ASIC2: variants seen among roughly 807,000 people sequenced by gnomAD.
ASIC2 encodes acid sensing ion channel subunit 2.
In ASIC2, 25 loss-of-function variants were observed where a neutral mutation model predicts 57.3. The observed-to-expected ratio is 0.44, with a 90% CI of 0.32 to 0.61. The LOEUF is 0.61. Ranked by LOEUF, ASIC2 falls within the 20% of genes least tolerant of loss-of-function variation. The probability of loss-of-function intolerance (pLI) is 0.06; values close to 1 mark genes in which losing one functional copy is unlikely to be tolerated. For synonymous variants in ASIC2, 319 were observed against 307.5 expected (o/e 1.04, Z -0.39); for missense variants, 641 against 738.1 (o/e 0.87, Z 1.52).
At chr17:34,151,709 T>A (rs1904532048) in intron 1 of ASIC2, among the ~76,000 whole-genome samples, 1 of 152,080 alleles carries the variant, frequency 6.6e-6, no homozygotes. Context: ...GTTGGTGAAG[T>A]TATAGTATGG....
intron 1 of ASIC2, among the ~76,000 whole-genome samples, chr17:33,402,752 G>A (rs547824829): frequency 1.7e-4 from 26 of 152,248 alleles, no homozygotes; most frequent in Admixed American, 3.9e-4. Context: ...GAACATACGC[G>A]TGTACGTATC....
chr17:33,418,114 G>A (rs1748108178), intron 1 of ASIC2, among the ~76,000 whole-genome samples: 1 of 149,428 alleles, frequency 6.7e-6, no homozygotes, highest in African/African-American at 2.5e-5. Flanking sequence ...AGCACATTAA[G>A]GACTCATTCA....
rs576562022 is a variant in ASIC2, at chr17:33,282,754, G to A, written c.708+8654C>T. Among the ~76,000 whole-genome samples the A allele has an allele frequency of 1.9e-4, 29 of 152,170 alleles. No homozygotes were observed. In the South Asian group the frequency reaches 4.8e-3, roughly 25 times the overall value. On this transcript the variant is annotated intron_variant, in intron 1 of 9. Coordinates refer to ENST00000225823, the MANE Select transcript of ASIC2 (RefSeq NM_183377.2). ...TTCCCAAAGTGCTGGGATTACAGGC[G>A]TGAACCACCACGCCCGGCCTCTTTC...
intron 1 of ASIC2, among the ~76,000 whole-genome samples, chr17:33,999,000 C>T (rs932986498): frequency 4.6e-5 from 7 of 152,080 alleles, no homozygotes; most frequent in Non-Finnish European, 8.8e-5. Context: ...CTGTTTTACC[C>T]TTTAGTTCTG....
At chr17:33,993,492 C>A (rs1906063222) in intron 1 of ASIC2, among the ~76,000 whole-genome samples, 1 of 152,196 alleles carries the variant, frequency 6.6e-6, no homozygotes, top group South Asian at 2.1e-4. Context: ...ACAAATACTG[C>A]CTCTTCTTTG....
At position 33,407,382 on chromosome 17, in the gene ASIC2, A is replaced by C. The variant is rs558691177; in HGVS notation, c.556-295315T>G. 1.5e-3 allele frequency among the ~76,000 whole-genome samples: 226 copies of C among 152,326 alleles called. 1 individual carries two copies. Among genetic ancestry groups the C allele is most frequent in the African/African-American group, 5.1e-3 (211 of 41,576 alleles). On this transcript the variant is annotated intron_variant, in intron 1 of 9. Transcript: ENST00000359872. ...ACTAGAGCCAGCAGGCACTCATATA[A>C]TAACAACCATTGTTATTAACTGTGT... is the stretch of plus-strand genomic sequence containing the variant.
At chr17:33,621,025 T>C (rs997135348) in intron 1 of ASIC2, among the ~76,000 whole-genome samples, 1 of 152,088 alleles carries the variant, frequency 6.6e-6, no homozygotes, top group African/African-American at 2.4e-5. Flanking sequence ...GGAATGCTCT[T>C]CCCCCAGGTA....
chr17:33,481,041 A>T (rs1913387187), intron 1 of ASIC2, among the ~76,000 whole-genome samples: 1 of 152,102 alleles, frequency 6.6e-6, no homozygotes, highest in African/African-American at 2.4e-5. Flanking sequence ...ACTAGTCATC[A>T]TCAGCCACCA....
chr17:33,603,782 T>G (rs967527068), intron 1 of ASIC2, among the ~76,000 whole-genome samples: 3 of 152,224 alleles, frequency 2.0e-5, no homozygotes, highest in Non-Finnish European at 4.4e-5. Context: ...CAATAGAAGT[T>G]CATTCCCCAC....
At chr17:33,830,452 G>A (rs1913067831) in intron 1 of ASIC2, among the ~76,000 whole-genome samples, 1 of 152,044 alleles carries the variant, frequency 6.6e-6, no homozygotes, top group Non-Finnish European at 1.5e-5. Context: ...ACAACTTGTG[G>A]TCATGTGGAC....
At chr17:34,104,724 A>G (rs1371841744) in intron 1 of ASIC2, among the ~76,000 whole-genome samples, 1 of 152,082 alleles carries the variant, frequency 6.6e-6, no homozygotes, top group Non-Finnish European at 1.5e-5. Flanking sequence ...AGATGATCAT[A>G]TATGTTTTTA....
intron 1 of ASIC2, among the ~76,000 whole-genome samples, chr17:33,720,391 C>A (rs767868988): frequency 6.6e-6 from 1 of 152,194 alleles, no homozygotes; most frequent in Non-Finnish European, 1.5e-5. Context: ...TTCACCATAT[C>A]ATTTTATTCA....
intron 1 of ASIC2, among the ~76,000 whole-genome samples, chr17:33,418,508 C>T (rs1251360994): frequency 2.6e-5 from 4 of 152,210 alleles, no homozygotes; most frequent in African/African-American, 4.8e-5. Context: ...TTAGGTCTTA[C>T]GTTTAAGTCT....
intron 1 of ASIC2, among the ~76,000 whole-genome samples, chr17:33,470,042 A>C (rs924952022): frequency 6.6e-6 from 1 of 152,166 alleles, no homozygotes; most frequent in African/African-American, 2.4e-5. Context: ...TGGAATGTGC[A>C]CTGAAATGGG....
At chr17:33,313,999 T>C (rs1429261407) in intron 1 of ASIC2, among the ~76,000 whole-genome samples, 2 of 152,156 alleles carry the variant, frequency 1.3e-5, no homozygotes, top group African/African-American at 4.8e-5. Flanking sequence ...TTAAGGTTGA[T>C]TAACCTTGAT....
intron 1 of ASIC2, among the ~76,000 whole-genome samples, chr17:33,904,036 G>A (rs1315922287): frequency 6.6e-6 from 1 of 151,790 alleles, no homozygotes; most frequent in East Asian, 1.9e-4. Context: ...GGTGGTGCAT[G>A]GCTGTAATTC....
chr17:33,157,567 C>T (rs1905041838), intron 1 of ASIC2, among the ~76,000 whole-genome samples: 1 of 152,112 alleles, frequency 6.6e-6, no homozygotes, highest in South Asian at 2.1e-4. Context: ...CTGGAGTCAC[C>T]TTTGACTCCT....
intron 1 of ASIC2, among the ~76,000 whole-genome samples, chr17:33,537,211 G>A (rs559937896): frequency 6.6e-6 from 1 of 152,238 alleles, no homozygotes; most frequent in African/African-American, 2.4e-5. Context: ...GGGTGGTGGT[G>A]TATCTGTTCC....
At chr17:33,670,488 C>T (rs1389728117) in intron 1 of ASIC2, among the ~76,000 whole-genome samples, 1 of 152,152 alleles carries the variant, frequency 6.6e-6, no homozygotes, top group Non-Finnish European at 1.5e-5. Flanking sequence ...AAAAATGAAA[C>T]ATGGCTACCC....
Sources: allele counts gnomAD v4.1 joint callset (sites outside exome capture counted in the v4.1 genomes callset), GRCh38; gene constraint gnomAD v4.1.1; transcripts MANE v1.5; gene names NCBI Gene and HGNC (gene_info 2026-07-23, HGNC 2026-07-21).